The following CGNL1 variants were observed in gnomAD, a reference collection of about 807,000 sequenced individuals.
The protein encoded by CGNL1 is cingulin like 1.
CGNL1 carries 132 observed loss-of-function variants against 141.2 expected under a neutral mutation model. The ratio of observed to expected loss-of-function variants is 0.93; its 90% CI spans 0.81 to 1.08. The LOEUF is 1.08. Among genes scored for constraint, CGNL1 ranks in the 50% least tolerant of loss-of-function variants. The pLI is 0.00. For missense variants in CGNL1, 1,870 were observed against 1,588.6 expected, an observed-to-expected ratio of 1.18 and a Z score of -3.01; for synonymous variants, 690 against 622.1, an observed-to-expected ratio of 1.11 and a Z score of -1.63.
At chr15:57,527,454 A>T (rs1201829668) in intron 12 of CGNL1, 1 of 152,216 alleles carries the variant, frequency 6.6e-6, no homozygotes, top group Non-Finnish European at 1.5e-5. Context: ...TATTCATGAG[A>T]CTAGCTCTAC....
At chr15:57,453,863 C>T (rs755567880) in intron 7 of CGNL1, 45 bp downstream of exon 7, 22 of 1,606,158 alleles carry the variant, frequency 1.4e-5, no homozygotes, top group Admixed American at 5.0e-5. Flanking sequence ...GCCCCACCTG[C>T]CTGGAAAGAT....
intron 1 of CGNL1, among the ~76,000 whole-genome samples, chr15:57,424,706 A>G (rs1163806662): frequency 2.0e-5 from 3 of 152,202 alleles, no homozygotes; most frequent in African/African-American, 7.2e-5. Context: ...CACCCCATGA[A>G]GACCCAACAG....
chr15:57,468,929 C>A (rs902451228), intron 8 of CGNL1, among the ~76,000 whole-genome samples: 1 of 152,196 alleles, frequency 6.6e-6, no homozygotes, highest in Non-Finnish European at 1.5e-5. Context: ...CCATCCAAGA[C>A]GGGACTTTTC....
chr15:57,482,076 A>G (rs186813389), intron 8 of CGNL1, among the ~76,000 whole-genome samples: 100 of 150,290 alleles, frequency 6.7e-4, no homozygotes, highest in Admixed American at 2.5e-3. Context: ...ATATCTATTC[A>G]TGTCTTTTGC....
intron 8 of CGNL1, among the ~76,000 whole-genome samples, chr15:57,464,214 T>C (rs1343075020): frequency 6.6e-6 from 1 of 152,032 alleles, no homozygotes; most frequent in African/African-American, 2.4e-5. Flanking sequence ...CTGGAGGGCA[T>C]GTCCTTTGCT....
At chr15:57,382,329 G>A (rs1484939176) in intron 1 of CGNL1, among the ~76,000 whole-genome samples, 6 of 152,206 alleles carry the variant, frequency 3.9e-5, no homozygotes, top group African/African-American at 1.2e-4. Context: ...CATTTCCAGG[G>A]AGTTAGCGGA....
intron 8 of CGNL1, among the ~76,000 whole-genome samples, chr15:57,511,208 A>G (rs1181842552): frequency 6.6e-6 from 1 of 152,154 alleles, no homozygotes; most frequent in Non-Finnish European, 1.5e-5. Context: ...AGTCATTGTT[A>G]CCAGTTTCTC....
chr15:57,448,173 G>C lies in CGNL1; in HGVS notation c.1804-3327G>C, dbSNP rs1427641752. Reference sequence around the variant, plus strand: ...ACCATATTTAAAAATTGCCAGGCATGGTGGCTCATGCTTGTAGTCATAACT... The same window carrying C: ...ACCATATTTAAAAATTGCCAGGCATCGTGGCTCATGCTTGTAGTCATAACT... On this transcript the variant is annotated intron_variant, in intron 4 of 18. Transcript: ENST00000281282. Among the ~76,000 whole-genome samples the C allele has an allele frequency of 2.0e-5, 3 of 152,202 alleles. No individual in the cohort carries two copies. In the South Asian group the frequency reaches 6.2e-4, roughly 32 times the overall value.
chr15:57,379,251 A>C lies in CGNL1; in HGVS notation c.-16+2684A>C, dbSNP rs544733486. On this transcript the variant is annotated intron_variant, in intron 1 of 18. Coordinates refer to ENST00000281282, the MANE Select transcript of CGNL1 (RefSeq NM_032866.5). Reference sequence around the variant, plus strand: ...ATATAATAATACACTCTACCCCCCCAAAAAGAAAAGTTTATGTAAATGTGG... The same window carrying C: ...ATATAATAATACACTCTACCCCCCCCAAAAGAAAAGTTTATGTAAATGTGG... Among the ~76,000 whole-genome samples, 27 of 152,302 alleles carry C rather than the reference A, an allele frequency of 1.8e-4. No individual in the cohort carries two copies. The East Asian group carries it at 5.2e-3, about 29-fold the overall frequency.
intron 3 of CGNL1, among the ~76,000 whole-genome samples, chr15:57,441,842 T>A (rs1194408810): frequency 1.3e-5 from 2 of 152,172 alleles, no homozygotes; most frequent in Non-Finnish European, 2.9e-5. Flanking sequence ...CCGTGTTACC[T>A]GTGAAAGCCC....
intron 1 of CGNL1, among the ~76,000 whole-genome samples, chr15:57,391,082 A>G (rs1033967867): frequency 6.6e-6 from 1 of 152,184 alleles, no homozygotes; most frequent in Non-Finnish European, 1.5e-5. Flanking sequence ...AACAGGCTTC[A>G]GGAGGTGAGG....
At chr15:57,524,922 A>C (rs546388652) in intron 12 of CGNL1, among the ~76,000 whole-genome samples, 171 bp downstream of exon 12, 1 of 152,306 alleles carries the variant, frequency 6.6e-6, no homozygotes, top group East Asian at 1.9e-4. Flanking sequence ...TCTGGAGCAC[A>C]AAGGACCCAC....
At chr15:57,392,196 A>T (rs1390732192) in intron 1 of CGNL1, among the ~76,000 whole-genome samples, 3 of 152,168 alleles carry the variant, frequency 2.0e-5, no homozygotes, top group African/African-American at 7.2e-5. Flanking sequence ...TACCTTTATA[A>T]TACAAAAGAA....
chr15:57,519,733 G>T (rs1435148039), intron 10 of CGNL1, among the ~76,000 whole-genome samples: 1 of 152,168 alleles, frequency 6.6e-6, no homozygotes, highest in African/African-American at 2.4e-5. Flanking sequence ...CTGCCAGAGT[G>T]TGGGGTTTAA....
chr15:57,455,211 G>A (rs1423537720), intron 7 of CGNL1, among the ~76,000 whole-genome samples: 2 of 151,944 alleles, frequency 1.3e-5, no homozygotes, highest in African/African-American at 4.8e-5. Flanking sequence ...AGATTGTGGG[G>A]AACATTTTTT....
chr15:57,393,425 C>A (rs1354271560), intron 1 of CGNL1, among the ~76,000 whole-genome samples: 3 of 152,174 alleles, frequency 2.0e-5, no homozygotes, highest in African/African-American at 7.2e-5. Flanking sequence ...TGTTTGAACA[C>A]CATCCACTTT....
intron 15 of CGNL1, 110 bp from the exon 16 acceptor site, chr15:57,544,363 G>A: frequency 7.3e-7 from 1 of 1,360,782 alleles, no homozygotes; most frequent in East Asian, 2.4e-5. Context: ...GTGGAAAGCA[G>A]CCTCATCGCA....
chr15:57,437,433 A>T (rs1235628628), intron 1 of CGNL1, among the ~76,000 whole-genome samples: 1 of 152,040 alleles, frequency 6.6e-6, no homozygotes, highest in Non-Finnish European at 1.5e-5. Context: ...ATTGTGGGTA[A>T]AAAAGGCTGA....
chr15:57,499,566 T>C (rs1232253585), intron 8 of CGNL1, among the ~76,000 whole-genome samples: 3 of 152,152 alleles, frequency 2.0e-5, no homozygotes, highest in Non-Finnish European at 4.4e-5. Context: ...ATGTAACTTC[T>C]CAGAGTCTTT....
Sources: allele counts gnomAD v4.1 joint callset (sites outside exome capture counted in the v4.1 genomes callset), GRCh38; gene constraint gnomAD v4.1.1; transcripts MANE v1.5; gene names NCBI Gene and HGNC (gene_info 2026-07-23, HGNC 2026-07-21).